The following TPP2 variants were observed in gnomAD, a reference collection of about 807,000 sequenced individuals.
TPP2 encodes the protein tripeptidyl peptidase 2, also known as tripeptidyl-peptidase 2.
A neutral mutation model predicts 155.9 loss-of-function variants in TPP2; 34 were observed. The observed-to-expected ratio is 0.22, with a 90% CI of 0.17 to 0.29. The LOEUF (loss-of-function observed/expected upper bound fraction) is 0.29. Ranked by LOEUF, TPP2 falls within the 10% of genes least tolerant of loss-of-function variation. The pLI, the probability that TPP2 is intolerant of heterozygous loss-of-function variation, is 1.00. For synonymous variants in TPP2, 510 were observed against 529.4 expected (o/e 0.96, Z 0.50); for missense variants, 1,028 against 1,522.3 (o/e 0.68, Z 5.40).
chr13:102,611,418 G>A (rs2139431377), intron 2 of TPP2, among the ~76,000 whole-genome samples: 1 of 152,330 alleles, frequency 6.6e-6, no homozygotes, highest in South Asian at 2.1e-4. Context: ...GCTCACACCT[G>A]TAATCCCAGC....
chr13:102,660,623 A>C (rs943450867), intron 25 of TPP2, among the ~76,000 whole-genome samples: 4 of 152,234 alleles, frequency 2.6e-5, no homozygotes, highest in African/African-American at 9.6e-5. Context: ...AGAAATTAAC[A>C]AGCTGATTCT....
chr13:102,649,573 G>C, intron 23 of TPP2, 87 bp downstream of exon 23: 16 of 1,180,314 alleles, frequency 1.4e-5, no homozygotes, highest in Non-Finnish European at 1.9e-5. Context: ...ATTTCAGAAT[G>C]GATAAAAGAG....
At position 102,633,960 on chromosome 13, in the gene TPP2, G is replaced by A. The variant is rs1359809588; in HGVS notation, c.1255G>A (p.Ala419Thr). 2 of 1,613,888 alleles carry A rather than the reference G, an allele frequency of 1.2e-6. No individual in the cohort carries two copies. The highest frequency in any genetic ancestry group is 1.7e-6 in the Non-Finnish European group (2 of 1,179,934). ...TGGCTTTCCATTTAGTGCTGACGGG[G>A]CCCTTGGTGTGAGTATCAGTGCGCC... ...WSSRGPSADG[A>T]LGVSISAPGG... is the part of the protein sequence containing the mutation. Residue 419 changes from alanine to threonine, a missense_variant, in exon 11 of 30, where the codon GCC becomes ACC. This residue lies in a region of TPP2 where 63 missense variants were observed against 165.7 expected (regional missense o/e 0.38). Coordinates refer to ENST00000376052, the MANE Select transcript of TPP2 (RefSeq NM_001330588.2).
chr13:102,642,832 T>G (rs1882857124), intron 16 of TPP2, among the ~76,000 whole-genome samples: 1 of 152,182 alleles, frequency 6.6e-6, no homozygotes. Flanking sequence ...AATAGAGGTT[T>G]CCAAAAATAT....
intron 19 of TPP2, among the ~76,000 whole-genome samples, chr13:102,645,656 C>G (rs1883050538): frequency 6.6e-6 from 1 of 152,318 alleles, no homozygotes; most frequent in South Asian, 2.1e-4. Flanking sequence ...ATATATCCAA[C>G]TTATATCATC....
intron 21 of TPP2, among the ~76,000 whole-genome samples, chr13:102,648,564 G>T (rs1883290614): frequency 6.6e-6 from 1 of 151,876 alleles, no homozygotes. Context: ...GAAAATCACT[G>T]CTTTTGTCAT....
chr13:102,625,352 G>C (rs2139471947), intron 6 of TPP2, among the ~76,000 whole-genome samples: 1 of 150,862 alleles, frequency 6.6e-6, no homozygotes, highest in East Asian at 2.0e-4. Context: ...TTTTAGTAGA[G>C]ACGGGGTTTC....
chr13:102,622,600 T>C (rs1383297199), intron 5 of TPP2, among the ~76,000 whole-genome samples: 3 of 152,236 alleles, frequency 2.0e-5, no homozygotes, highest in Non-Finnish European at 4.4e-5. Flanking sequence ...GTTTTAGCTG[T>C]AATTCTTAAG....
chr13:102,665,973 T>C (rs1007259524), intron 27 of TPP2, among the ~76,000 whole-genome samples: 11 of 152,230 alleles, frequency 7.2e-5, no homozygotes, highest in African/African-American at 2.4e-4. Context: ...GCCACTATTA[T>C]TACCTTTTCA....
At chr13:102,644,799 C>A in intron 18 of TPP2, 110 bp from the exon 19 acceptor site, 1 of 1,415,040 alleles carries the variant, frequency 7.1e-7, no homozygotes, top group Non-Finnish European at 9.8e-7. Context: ...TAGCAGTAGG[C>A]TTTGTGTGTG....
At chr13:102,628,198 T>G (rs1166325068) in intron 8 of TPP2, among the ~76,000 whole-genome samples, 2 of 152,164 alleles carry the variant, frequency 1.3e-5, no homozygotes, top group South Asian at 4.1e-4. Flanking sequence ...TGCTGTCCTT[T>G]GTGGCTCTTC....
At chr13:102,614,302 C>A in intron 3 of TPP2, 106 bp downstream of exon 3, 2 of 1,057,772 alleles carry the variant, frequency 1.9e-6, no homozygotes, top group Non-Finnish European at 2.7e-6. Flanking sequence ...ATCTCATTAA[C>A]TTAGTTTTTT....
At chr13:102,674,823 T>C (rs1457019423) in intron 28 of TPP2, among the ~76,000 whole-genome samples, 3 of 152,200 alleles carry the variant, frequency 2.0e-5, no homozygotes, top group Non-Finnish European at 1.5e-5. Flanking sequence ...TCTCTAGTTA[T>C]ATGCTAATTT....
At chr13:102,638,094 A>G (rs1409534987) in intron 14 of TPP2, 145 bp from the exon 15 acceptor site, 1 of 688,570 alleles carries the variant, frequency 1.5e-6, no homozygotes, top group Non-Finnish European at 2.5e-6. Context: ...TAATTATGTG[A>G]CCTAGTGTCA....
At chr13:102,604,660 TA>T in intron 1 of TPP2, 132 bp from the exon 2 acceptor site, 1 of 1,094,964 alleles carries the variant, frequency 9.1e-7, no homozygotes, top group Non-Finnish European at 1.3e-6. Flanking sequence ...GCTTTTGGCT[TA>T]AAACAGTTCA....
intron 24 of TPP2, chr13:102,654,817 T>C: frequency 2.5e-6 from 1 of 395,732 alleles, no homozygotes; most frequent in South Asian, 1.9e-5. Flanking sequence ...ATGACACTGA[T>C]GCAGTCTGTT....
intron 27 of TPP2, among the ~76,000 whole-genome samples, chr13:102,670,193 A>C (rs1230607288): frequency 6.6e-6 from 1 of 152,038 alleles, no homozygotes; most frequent in Non-Finnish European, 1.5e-5. Flanking sequence ...GCGGTGAACC[A>C]CTTTTGTAGG....
At chr13:102,607,610 G>A (rs1326606318) in intron 2 of TPP2, 2 of 426,580 alleles carry the variant, frequency 4.7e-6, no homozygotes, top group South Asian at 1.7e-5. Flanking sequence ...ATTTTGAGAT[G>A]GAGTCTTACT....
intron 8 of TPP2, among the ~76,000 whole-genome samples, chr13:102,628,253 C>T (rs1881782887): frequency 6.6e-6 from 1 of 152,150 alleles, no homozygotes; most frequent in African/African-American, 2.4e-5. Context: ...ATGCAACCCA[C>T]AGACTCTGGT....
Sources: gnomAD v4.1 joint callset for allele counts (sites outside exome capture counted in the v4.1 genomes callset) on GRCh38, gnomAD v4.1.1 for gene constraint, gnomAD v4.1.1 regional missense constraint, MANE v1.5 for transcripts, NCBI Gene and HGNC (gene_info 2026-07-23, HGNC 2026-07-21) for gene names.